Variants in CUX2 observed in about 807,000 individuals in gnomAD.
CUX2 encodes the protein homeobox protein cut-like 2.
CUX2 carries 40 observed loss-of-function variants against 144.8 expected under a neutral mutation model. The observed-to-expected ratio is 0.28, with a 90% CI of 0.21 to 0.36. The LOEUF (loss-of-function observed/expected upper bound fraction) is 0.36. Among genes scored for constraint, CUX2 ranks in the 10% least tolerant of loss-of-function variants. CUX2 has a pLI of 1.00. For synonymous variants in CUX2, 827 were observed against 875.6 expected, an observed-to-expected ratio of 0.94 and a Z score of 0.98; for missense variants, 1,615 against 1,994.0, an observed-to-expected ratio of 0.81 and a Z score of 3.62.
At chr12:111,144,494 C>T (rs1876535734) in intron 1 of CUX2, among the ~76,000 whole-genome samples, 1 of 152,228 alleles carries the variant, frequency 6.6e-6, no homozygotes, top group African/African-American at 2.4e-5. Context: ...TTCTGGAGAG[C>T]CTCCCCTGAC....
intron 3 of CUX2, among the ~76,000 whole-genome samples, chr12:111,236,408 G>T (rs1322786323): frequency 6.6e-6 from 1 of 152,188 alleles, no homozygotes; most frequent in Non-Finnish European, 1.5e-5. Flanking sequence ...TGGGATAGGG[G>T]TTATTATTAT....
chr12:111,245,094 G>A (rs1299301408), intron 3 of CUX2, among the ~76,000 whole-genome samples: 2 of 152,180 alleles, frequency 1.3e-5, no homozygotes, highest in Admixed American at 1.3e-4. Context: ...TCTCCCCACA[G>A]AGCATAGGGG....
Position 111,034,272 on chromosome 12 carries a change from T to C in CUX2, c.63+32T>C. On this transcript the variant is annotated intron_variant, in intron 1 of 21. Coordinates refer to ENST00000261726, the MANE Select transcript of CUX2 (RefSeq NM_015267.4). This position sits in a 1 kb window ranked among gnomAD's most constrained non-coding sequence, Gnocchi z 4.2. ...GCGGGCAGCGCCGGCCGCGCGGCCG[T>C]GAGGAGCCCCCGGGCGCGCCCTGGG... is the stretch of plus-strand genomic sequence containing the variant. The C allele has an allele frequency of 7.8e-7, 1 of 1,283,892 alleles. No homozygotes were observed. The highest frequency in any genetic ancestry group is 1.0e-6 in the Non-Finnish European group (1 of 980,558). The allele number at this position is 1,283,892 out of a possible 1,614,324, so 79.5% of individuals were successfully genotyped here. A position where few individuals can be genotyped will look rare whatever the true frequency, so the allele number is the denominator to read the frequency against.
At chr12:111,288,764 A>T (rs1264320811) in intron 4 of CUX2, among the ~76,000 whole-genome samples, 1 of 152,160 alleles carries the variant, frequency 6.6e-6, no homozygotes, top group Non-Finnish European at 1.5e-5. Context: ...GGAGTTCAAG[A>T]CCAGCTTGGC....
chr12:111,237,742 T>C (rs948428235), intron 3 of CUX2, among the ~76,000 whole-genome samples: 2 of 152,164 alleles, frequency 1.3e-5, no homozygotes, highest in Non-Finnish European at 2.9e-5. Flanking sequence ...GCTGCCCACT[T>C]GTGCCCCTTC....
At chr12:111,332,638 A>G (rs1305511658) in intron 18 of CUX2, among the ~76,000 whole-genome samples, 1 of 152,152 alleles carries the variant, frequency 6.6e-6, no homozygotes, top group Admixed American at 6.6e-5. Flanking sequence ...GGTAACTTCT[A>G]ATTTACAGAA....
chr12:111,049,577 G>T (rs1223726362), intron 1 of CUX2, among the ~76,000 whole-genome samples: 3 of 152,220 alleles, frequency 2.0e-5, no homozygotes, highest in Non-Finnish European at 4.4e-5. Flanking sequence ...GGCCTGTGAG[G>T]TTGGTGAGGG....
rs564064484 is a variant in CUX2 at position 111,035,534 on chromosome 12, G to C, written c.63+1294G>C. ...GGCGGGAAAATGGTGCGGATAACAG[G>C]GCGGTTAGAGCATCCTGCCTTGACC... On this transcript the variant is annotated intron_variant, in intron 1 of 21. Transcript: ENST00000261726. This position sits in a 1 kb window ranked among gnomAD's most constrained non-coding sequence, Gnocchi z 6.0. Among the ~76,000 whole-genome samples the C allele has an allele frequency of 7.0e-4, 106 of 152,306 alleles. 1 individual carries two copies. The highest frequency in any genetic ancestry group is 1.5e-3 in the Non-Finnish European group (99 of 68,024).
chr12:111,320,036 C>A lies in CUX2; in HGVS notation c.2027C>A (p.Pro676Gln), dbSNP rs1003474809. 1 of 1,537,890 alleles carries A rather than the reference C, an allele frequency of 6.5e-7. No individual in the cohort carries two copies. Among genetic ancestry groups the A allele is most frequent in the Non-Finnish European group, 8.7e-7 (1 of 1,147,238 alleles). Reference sequence around the variant, plus strand: ...GGCGAGCCCAAGACCTCGGTGGCCCCGCTGAGCATCGCCAACGGCACGACC... The same window carrying A: ...GGCGAGCCCAAGACCTCGGTGGCCCAGCTGAGCATCGCCAACGGCACGACC... The part of the protein sequence containing the change: ...KGGEPKTSVA[P>Q]LSIANGTTPA... Residue 676 changes from proline to glutamine, a missense_variant, in exon 17 of 22, where the codon CCG (proline) becomes CAG (glutamine). Transcript: ENST00000261726. This position sits in a 1 kb window ranked among gnomAD's most constrained non-coding sequence, Gnocchi z 8.1.
intron 18 of CUX2, among the ~76,000 whole-genome samples, chr12:111,332,326 G>A (rs1282821547): frequency 6.9e-6 from 1 of 144,338 alleles, no homozygotes; most frequent in African/African-American, 2.8e-5. Flanking sequence ...TAGAGACGGG[G>A]TTTCACCATT....
rs910530549 is a variant in CUX2, at chr12:111,293,092, G to A, written c.437-354G>A. 3.3e-5 allele frequency among the ~76,000 whole-genome samples: 5 copies of A among 151,594 alleles called. No individual in the cohort carries two copies. Among genetic ancestry groups the A allele is most frequent in the East Asian group, 1.9e-4 (1 of 5,138 alleles). On this transcript the variant is annotated intron_variant, in intron 5 of 21. Transcript: ENST00000261726. This position sits in a 1 kb window ranked among gnomAD's most constrained non-coding sequence, Gnocchi z 4.5. ...AAGCTGAGATTGTGCCACTGCACTC[G>A]CAGTCCAGCCTGGGCAACAGACCAA...
chr12:111,165,364 C>T (rs1368681859), intron 1 of CUX2, among the ~76,000 whole-genome samples: 1 of 152,170 alleles, frequency 6.6e-6, no homozygotes, highest in Admixed American at 6.5e-5. Flanking sequence ...CTCATTGAGG[C>T]AGTGGCCTCC....
At chr12:111,152,572 T>C (rs1002687689) in intron 1 of CUX2, among the ~76,000 whole-genome samples, 1 of 152,216 alleles carries the variant, frequency 6.6e-6, no homozygotes, top group African/African-American at 2.4e-5. Context: ...TTAAAACATA[T>C]ACACGATGCA....
At chr12:111,341,289 A>G (rs1264371664) in intron 20 of CUX2, among the ~76,000 whole-genome samples, 1 of 151,942 alleles carries the variant, frequency 6.6e-6, no homozygotes, top group African/African-American at 2.4e-5. Flanking sequence ...GAGAGACCCC[A>G]TCTCTACAAA....
chr12:111,199,546 G>C (rs564359009), intron 1 of CUX2, among the ~76,000 whole-genome samples: 106 of 152,286 alleles, frequency 7.0e-4, no homozygotes, highest in African/African-American at 2.5e-3. Flanking sequence ...GCCTCTTCAG[G>C]CTCTGCAGAA....
intron 1 of CUX2, among the ~76,000 whole-genome samples, chr12:111,110,788 A>G (rs962931373): frequency 9.9e-5 from 15 of 152,240 alleles, no homozygotes; most frequent in African/African-American, 3.1e-4. Context: ...TATTTGGTGC[A>G]TGAAATCTTC....
At chr12:111,341,632 A>T in intron 20 of CUX2, 148 bp from the exon 21 acceptor site, 1 of 921,336 alleles carries the variant, frequency 1.1e-6, no homozygotes, top group Non-Finnish European at 1.6e-6. Flanking sequence ...GAGGAGGGAG[A>T]AAGGCTGGGG....
chr12:111,294,639 A>G (rs971151082), intron 6 of CUX2, among the ~76,000 whole-genome samples: 29 of 151,598 alleles, frequency 1.9e-4, no homozygotes, highest in African/African-American at 7.0e-4. Flanking sequence ...GCTCATGCCT[A>G]TAATCCCAGC....
At chr12:111,188,624 T>A (rs1265900538) in intron 1 of CUX2, among the ~76,000 whole-genome samples, 1 of 151,746 alleles carries the variant, frequency 6.6e-6, no homozygotes, top group Non-Finnish European at 1.5e-5. Context: ...GTCAGAGTGG[T>A]TGGAACCCAG....
Sources: gnomAD v4.1 joint callset for allele counts (sites outside exome capture counted in the v4.1 genomes callset) on GRCh38, gnomAD v4.1.1 for gene constraint, Gnocchi (gnomAD v3.1) non-coding constraint, MANE v1.5 for transcripts, NCBI Gene and HGNC (gene_info 2026-07-23, HGNC 2026-07-21) for gene names.